PRKCQ: variants seen among roughly 807,000 people sequenced by gnomAD.
PRKCQ encodes the protein protein kinase C theta type.
A neutral mutation model predicts 91.2 loss-of-function variants in PRKCQ; 41 were observed. The ratio of observed to expected loss-of-function variants is 0.45; its 90% CI spans 0.35 to 0.58. The LOEUF (loss-of-function observed/expected upper bound fraction) is 0.58, where lower values mean the gene tolerates loss of function less well. Ranked by LOEUF, PRKCQ falls within the 20% of genes least tolerant of loss-of-function variation. The probability of loss-of-function intolerance (pLI) is 0.00; values close to 1 mark genes in which losing one functional copy is unlikely to be tolerated. For missense variants in PRKCQ, 673 were observed against 896.5 expected (o/e 0.75, Z 3.18); for synonymous variants, 307 against 316.9 (o/e 0.97, Z 0.33).
chr10:6,555,053 C>T (rs575612639), intron 1 of PRKCQ, among the ~76,000 whole-genome samples: 1 of 151,768 alleles, frequency 6.6e-6, no homozygotes, highest in Admixed American at 6.6e-5. Flanking sequence ...TGCATATTCT[C>T]ACTTAGAAGT....
intron 1 of PRKCQ, among the ~76,000 whole-genome samples, chr10:6,547,845 C>T (rs1840022871): frequency 6.6e-6 from 1 of 150,836 alleles, no homozygotes; most frequent in Non-Finnish European, 1.5e-5. Flanking sequence ...GTCTAAAACA[C>T]CAAAAGCAAT....
At chr10:6,534,690 G>A (rs1279980922) in intron 1 of PRKCQ, among the ~76,000 whole-genome samples, 1 of 150,318 alleles carries the variant, frequency 6.7e-6, no homozygotes, top group Non-Finnish European at 1.5e-5. Flanking sequence ...AACTATAATG[G>A]AATATTTTAT....
At chr10:6,451,104 CA>C (rs1834648490) in intron 15 of PRKCQ, among the ~76,000 whole-genome samples, 6 of 150,004 alleles carry the variant, frequency 4.0e-5, no homozygotes. Flanking sequence ...AATAGAGACA[CA>C]AAAAACCCTT....
rs910988124 is a variant in PRKCQ, at chr10:6,481,950, G to C, written c.1179+1490C>G. Among the ~76,000 whole-genome samples the C allele has an allele frequency of 5.3e-5, 8 of 151,336 alleles. No homozygotes were observed. In the South Asian group the frequency reaches 1.7e-3, roughly 32 times the overall value. On this transcript the variant is annotated intron_variant, in intron 11 of 17. Transcript: ENST00000263125. ...AAATTTTCTGCAGTCACCGGTAGTTGGTTATAATTTCTTAAATTATCTCTT... is the reference window on the plus strand; with the variant it reads ...AAATTTTCTGCAGTCACCGGTAGTTCGTTATAATTTCTTAAATTATCTCTT...
At chr10:6,578,373 G>A (rs1265996356) in intron 1 of PRKCQ, among the ~76,000 whole-genome samples, 3 of 152,208 alleles carry the variant, frequency 2.0e-5, no homozygotes, top group Non-Finnish European at 2.9e-5. Flanking sequence ...ATGACAACGC[G>A]GATGGTGGGT....
chr10:6,526,708 G>A (rs980917532), intron 1 of PRKCQ, among the ~76,000 whole-genome samples: 1 of 152,186 alleles, frequency 6.6e-6, no homozygotes, highest in Non-Finnish European at 1.5e-5. Context: ...AGGTGGGTGT[G>A]CCCATGGGGC....
chr10:6,460,215 A>G (rs1564316593), intron 14 of PRKCQ, among the ~76,000 whole-genome samples: 4 of 152,050 alleles, frequency 2.6e-5, no homozygotes, highest in South Asian at 4.1e-4. Flanking sequence ...CTTAAAGAAC[A>G]TAACTTCCAT....
chr10:6,476,068 G>A (rs550337819), intron 12 of PRKCQ, among the ~76,000 whole-genome samples: 2 of 152,230 alleles, frequency 1.3e-5, no homozygotes, highest in South Asian at 2.1e-4. Flanking sequence ...TTATTGGAAC[G>A]CTAAGCATGT....
chr10:6,419,801 C>T, the PRKCQ span, among the ~76,000 whole-genome samples: 1 of 148,178 alleles, frequency 6.7e-6, no homozygotes, highest in Non-Finnish European at 1.5e-5. Flanking sequence ...TGACTCTCCT[C>T]TGTCAGCCTC....
At chr10:6,486,174 G>A in intron 8 of PRKCQ, 30 bp from the exon 9 acceptor site, 1 of 1,573,054 alleles carries the variant, frequency 6.4e-7, no homozygotes, top group Admixed American at 1.7e-5. Flanking sequence ...TAGTGAGCAA[G>A]AGTGGAAGAA....
chr10:6,506,011 T>G (rs1001435374), intron 4 of PRKCQ, among the ~76,000 whole-genome samples: 2 of 152,176 alleles, frequency 1.3e-5, no homozygotes, highest in African/African-American at 4.8e-5. Flanking sequence ...TTTCTCTTAT[T>G]CAAGGAATTA....
intron 1 of PRKCQ, among the ~76,000 whole-genome samples, chr10:6,521,727 A>G (rs1839008721): frequency 6.6e-6 from 1 of 152,094 alleles, no homozygotes; most frequent in African/African-American, 2.4e-5. Flanking sequence ...GCACTCTGCT[A>G]CGGAGCTCCC....
upstream of PRKCQ, chr10:6,580,294 GC>G (rs1841429395): frequency 7.1e-5 from 4 of 56,008 alleles, no homozygotes; most frequent in African/African-American, 1.6e-4. Flanking sequence ...GACTGGCGGG[GC>G]TGGCGGGGCT....
intron 1 of PRKCQ, among the ~76,000 whole-genome samples, chr10:6,556,708 A>G (rs149752307): frequency 4.3e-4 from 65 of 152,192 alleles, no homozygotes; most frequent in African/African-American, 1.5e-3. Flanking sequence ...TGAATTATGT[A>G]AGCATTTGAT....
At chr10:6,544,209 CTGTT>C (rs1384928735) in intron 1 of PRKCQ, among the ~76,000 whole-genome samples, 1 of 152,176 alleles carries the variant, frequency 6.6e-6, no homozygotes, top group Non-Finnish European at 1.5e-5. Context: ...GGAAGTTAAA[CTGTT>C]TGTGAGTCAC....
chr10:6,401,682 C>T, the PRKCQ span, among the ~76,000 whole-genome samples: 2 of 152,152 alleles, frequency 1.3e-5, no homozygotes, highest in African/African-American at 2.4e-5. Flanking sequence ...CTGATTCCCA[C>T]GGGCTTTCCT....
chr10:6,515,963 T>C (rs1048165531), intron 1 of PRKCQ, among the ~76,000 whole-genome samples: 1 of 152,224 alleles, frequency 6.6e-6, no homozygotes, highest in African/African-American at 2.4e-5. Context: ...TCTTCTTTTT[T>C]ACCTACTTTT....
chr10:6,401,470 T>C, the PRKCQ span, among the ~76,000 whole-genome samples: 1 of 152,130 alleles, frequency 6.6e-6, no homozygotes, highest in African/African-American at 2.4e-5. Flanking sequence ...AATAATTGGA[T>C]TGACATCCAT....
rs567218927 is a variant in PRKCQ, at chr10:6,533,272, A to G, written c.-9-18128T>C. Among the ~76,000 whole-genome samples the G allele has an allele frequency of 1.4e-4, 21 of 152,272 alleles. No individual in the cohort carries two copies. In the South Asian group the frequency reaches 4.2e-3, roughly 30 times the overall value. Reference sequence around the variant, plus strand: ...GAGTGCAGTGGCATGATCTCGGCTCACTGCAACCACCATCTCCCGAGTTCA... The same window carrying G: ...GAGTGCAGTGGCATGATCTCGGCTCGCTGCAACCACCATCTCCCGAGTTCA... On this transcript the variant is annotated intron_variant, in intron 1 of 17. Transcript: ENST00000263125.
Sources: gnomAD v4.1 joint callset for allele counts (sites outside exome capture counted in the v4.1 genomes callset) on GRCh38, gnomAD v4.1.1 for gene constraint, MANE v1.5 for transcripts, NCBI Gene and HGNC (gene_info 2026-07-23, HGNC 2026-07-21) for gene names.